RALGPS1: variants seen among roughly 807,000 people sequenced by gnomAD.
The protein encoded by RALGPS1 is Ral GEF with PH domain and SH3 binding motif 1.
RALGPS1 carries 19 observed loss-of-function variants against 78.8 expected under a neutral mutation model. The ratio of observed to expected loss-of-function variants is 0.24; its 90% CI spans 0.17 to 0.35. The LOEUF (loss-of-function observed/expected upper bound fraction) is 0.35. Ranked by LOEUF, RALGPS1 falls within the 10% of genes least tolerant of loss-of-function variation. The pLI is 1.00. For missense variants in RALGPS1, 454 were observed against 688.3 expected, an observed-to-expected ratio of 0.66 and a Z score of 3.81; for synonymous variants, 228 against 256.3, an observed-to-expected ratio of 0.89 and a Z score of 1.06.
chr9:126,982,848 C>T (rs1043179122), intron 4 of RALGPS1, among the ~76,000 whole-genome samples: 2 of 116,904 alleles, frequency 1.7e-5, no homozygotes, highest in South Asian at 2.7e-4. Context: ...TTCCTTCTTT[C>T]TTCCTCCTCC....
chr9:127,173,747 T>G (rs1428604360), intron 10 of RALGPS1, among the ~76,000 whole-genome samples: 1 of 152,188 alleles, frequency 6.6e-6, no homozygotes, highest in Non-Finnish European at 1.5e-5. Context: ...GTGCGGTGGC[T>G]CATGCCTGTA....
At chr9:126,991,818 AACTC>A in intron 4 of RALGPS1, among the ~76,000 whole-genome samples, 1 of 152,346 alleles carries the variant, frequency 6.6e-6, no homozygotes, top group East Asian at 1.9e-4. Flanking sequence ...ACATGGCAGA[AACTC>A]ACAAATTGTT....
chr9:127,035,396 T>A (rs2046780208), intron 5 of RALGPS1, among the ~76,000 whole-genome samples: 1 of 152,202 alleles, frequency 6.6e-6, no homozygotes, highest in Non-Finnish European at 1.5e-5. Flanking sequence ...GGTGTCTTAT[T>A]TCTCAGCCAG....
intron 8 of RALGPS1, among the ~76,000 whole-genome samples, chr9:127,140,149 T>C (rs946303767): frequency 1.1e-4 from 17 of 152,196 alleles, no homozygotes; most frequent in African/African-American, 4.1e-4. Flanking sequence ...GCTGTCTTGT[T>C]AGGGCCAACT....
chr9:127,188,974 T>G lies in RALGPS1; in HGVS notation c.911-6117T>G, dbSNP rs368013246. Among the ~76,000 whole-genome samples, 4 of 116,400 alleles carry G rather than the reference T, an allele frequency of 3.4e-5. 1 individual carries two copies. The highest frequency in any genetic ancestry group is 1.3e-4 in the African/African-American group (4 of 29,892). The allele number at this position is 116,400 out of a possible 152,430, so 76.4% of individuals were successfully genotyped here. Reference sequence around the variant, plus strand: ...AAGATGGCACCACTGCACTCCAGCCTGGGCGACAGAGCAAGACTGTCTCAA... The same window carrying G: ...AAGATGGCACCACTGCACTCCAGCCGGGGCGACAGAGCAAGACTGTCTCAA... On this transcript the variant is annotated intron_variant, in intron 11 of 18. Coordinates refer to ENST00000259351, the MANE Select transcript of RALGPS1 (RefSeq NM_014636.3).
At chr9:127,142,818 T>G (rs746042670) in intron 8 of RALGPS1, among the ~76,000 whole-genome samples, 4 of 152,180 alleles carry the variant, frequency 2.6e-5, no homozygotes, top group Non-Finnish European at 5.9e-5. Context: ...TACATTTGTG[T>G]GTGTATGTAT....
chr9:126,958,142 A>AAAATATATATATAT (rs113413659), intron 1 of RALGPS1, among the ~76,000 whole-genome samples: 48 of 77,056 alleles, frequency 6.2e-4, no homozygotes, highest in Non-Finnish European at 1.1e-3. Context: ...AAAAAAAAAA[A>AAAATATATATATAT]ATATATATAT....
chr9:126,951,078 T>C (rs1161238517), intron 1 of RALGPS1, among the ~76,000 whole-genome samples: 1 of 152,106 alleles, frequency 6.6e-6, no homozygotes, highest in African/African-American at 2.4e-5. Flanking sequence ...AAGAAATGGA[T>C]AAATTCCTCG....
intron 8 of RALGPS1, among the ~76,000 whole-genome samples, chr9:127,089,594 G>A (rs983317217): frequency 2.6e-5 from 4 of 152,228 alleles, no homozygotes; most frequent in African/African-American, 9.6e-5. Flanking sequence ...AGTTGAAACT[G>A]TTGGATCAGG....
chr9:127,216,526 T>C (rs1027014819), intron 18 of RALGPS1, among the ~76,000 whole-genome samples: 2 of 152,206 alleles, frequency 1.3e-5, no homozygotes, highest in Admixed American at 6.5e-5. Flanking sequence ...TTGATAGTTA[T>C]TAGAAAGAGG....
chr9:126,936,626 G>C (rs2036284371), intron 1 of RALGPS1, among the ~76,000 whole-genome samples: 1 of 152,082 alleles, frequency 6.6e-6, no homozygotes, highest in African/African-American at 2.4e-5. Flanking sequence ...GGTATCTCCA[G>C]ACTATTAAAG....
intron 7 of RALGPS1, among the ~76,000 whole-genome samples, chr9:127,066,867 C>T (rs998552073): frequency 3.3e-5 from 5 of 152,042 alleles, no homozygotes; most frequent in South Asian, 2.1e-4. Context: ...GGCTGGAGTA[C>T]GGTGGCGCAA....
chr9:127,092,870 A>AG (rs1173875959), intron 8 of RALGPS1, among the ~76,000 whole-genome samples: 3 of 152,092 alleles, frequency 2.0e-5, no homozygotes, highest in Admixed American at 2.0e-4. Flanking sequence ...AGACTCAAGA[A>AG]GGGGCATGGC....
intron 17 of RALGPS1, among the ~76,000 whole-genome samples, chr9:127,213,417 G>A (rs931691167): frequency 6.6e-6 from 1 of 152,196 alleles, no homozygotes; most frequent in Non-Finnish European, 1.5e-5. Context: ...CCCCTCACAT[G>A]CCTGTGCCAT....
intron 11 of RALGPS1, among the ~76,000 whole-genome samples, chr9:127,182,397 C>CCTCT (rs2060317480): frequency 1.5e-5 from 2 of 130,420 alleles, no homozygotes; most frequent in African/African-American, 5.7e-5. Context: ...TCCCTCCCTC[C>CCTCT]CTTCCTTCCT....
At chr9:126,926,404 A>G (rs563626172) in intron 1 of RALGPS1, among the ~76,000 whole-genome samples, 1 of 152,302 alleles carries the variant, frequency 6.6e-6, no homozygotes, top group African/African-American at 2.4e-5. Context: ...AAAGATTTTC[A>G]CTTTTCCAGG....
intron 3 of RALGPS1, among the ~76,000 whole-genome samples, chr9:126,966,462 A>G (rs1350868307): frequency 6.7e-6 from 1 of 149,430 alleles, no homozygotes; most frequent in Non-Finnish European, 1.5e-5. Flanking sequence ...TTGAAGCTGC[A>G]GTGAGCTGTG....
In RALGPS1 at chr9:127,183,926, A is replaced by T; in HGVS notation, c.910+9144A>T. The T allele has an allele frequency of 1.3e-6, 2 of 1,550,128 alleles. No homozygotes were observed. The highest frequency in any genetic ancestry group is 2.4e-5 in the East Asian group (1 of 40,848). On this transcript the variant is annotated intron_variant, in intron 11 of 18. Transcript: ENST00000259351. This position sits in a 1 kb window ranked among gnomAD's most constrained non-coding sequence, Gnocchi z 4.0. ...AGCAGAAGAGGCAAGACTCAAACCCACCTCTGGCCAACACCCTGCCTGGAT... is the reference window on the plus strand; with the variant it reads ...AGCAGAAGAGGCAAGACTCAAACCCTCCTCTGGCCAACACCCTGCCTGGAT...
intron 8 of RALGPS1, among the ~76,000 whole-genome samples, chr9:127,148,722 C>T (rs549451556): frequency 2.6e-5 from 4 of 152,280 alleles, no homozygotes; most frequent in African/African-American, 9.6e-5. Context: ...CATGGAGAAT[C>T]CCCTTCCCCA....
Sources: allele counts gnomAD v4.1 joint callset (sites outside exome capture counted in the v4.1 genomes callset), GRCh38; gene constraint gnomAD v4.1.1; non-coding constraint Gnocchi (gnomAD v3.1); transcripts MANE v1.5; gene names NCBI Gene and HGNC (gene_info 2026-07-23, HGNC 2026-07-21).